The following EPRS1 variants were observed in gnomAD, a reference collection of about 807,000 sequenced individuals.
EPRS1 encodes the protein bifunctional glutamate/proline--tRNA ligase.
EPRS1 carries 107 observed loss-of-function variants against 188.3 expected under a neutral mutation model. That is an observed-to-expected ratio of 0.57 (90% confidence interval 0.49 to 0.67). EPRS1 has a LOEUF of 0.67. Ranked by LOEUF, EPRS1 falls within the 30% of genes least tolerant of loss-of-function variation. The pLI, the probability that EPRS1 is intolerant of heterozygous loss-of-function variation, is 0.00. For synonymous variants in EPRS1, 596 were observed against 593.1 expected (o/e 1.00, Z -0.07); for missense variants, 1,577 against 1,802.2 (o/e 0.88, Z 2.26).
At chr1:220,004,595 G>A (rs2647421) in intron 16 of EPRS1, among the ~76,000 whole-genome samples, 131,444 of 152,126 alleles carry the variant, frequency 0.86, 57,212 homozygotes, top group African/African-American at 0.97. Context: ...GGAAGCATAA[G>A]TCAAAGATGA....
At chr1:220,018,787 G>A (rs1312235138) in intron 11 of EPRS1, among the ~76,000 whole-genome samples, 2 of 143,846 alleles carry the variant, frequency 1.4e-5, no homozygotes, top group African/African-American at 5.2e-5. Flanking sequence ...TAGGAGTTTA[G>A]GACATTTTCA....
Position 220,001,088 on chromosome 1 carries a change from G to A in EPRS1, c.2181+50C>T, listed in dbSNP as rs752037538. On this transcript the variant is annotated intron_variant, in intron 17 of 31. Transcript: ENST00000366923. ...TGTAAAGAAATATATTCTAAACCCTGGGATAGAAAGACCATTTATTTTTAT... is the reference window on the plus strand; with the variant it reads ...TGTAAAGAAATATATTCTAAACCCTAGGATAGAAAGACCATTTATTTTTAT... 11 of 989,114 alleles carry A rather than the reference G, an allele frequency of 1.1e-5. No homozygotes were observed. In the African/African-American group the frequency reaches 1.3e-4, roughly 11 times the overall value. The allele number at this position is 989,114 out of a possible 1,614,324, so 61.3% of individuals were successfully genotyped here. A position where few individuals can be genotyped will look rare whatever the true frequency, so the allele number is the denominator to read the frequency against.
intron 30 of EPRS1, among the ~76,000 whole-genome samples, chr1:219,969,940 C>A (rs1660633350): frequency 6.6e-6 from 1 of 152,122 alleles, no homozygotes; most frequent in Non-Finnish European, 1.5e-5. Context: ...CGTGCCCCAG[C>A]CTCCTAGTGT....
chr1:220,024,505 C>T (rs200991540), intron 7 of EPRS1, 49 bp from the exon 8 acceptor site: 84 of 1,385,956 alleles, frequency 6.1e-5, no homozygotes, highest in Admixed American at 2.5e-4. Context: ...TGCATTTTTT[C>T]GTGCATTTTC....
chr1:219,978,569 T>C lies in EPRS1; in HGVS notation c.4060A>G (p.Lys1354Glu). The change falls in exon 28 of 32, where the codon AAA becomes GAA. Residue 1354 changes from lysine (K) to glutamate (E), a missense_variant. Transcript: ENST00000366923. The stretch of plus-strand genomic sequence containing the variant: ...ACCTTGAGCTCCCAGTGATTGAATT[T>C]CCAACCTGGAGAATAATTATCTCGT... ...DLRDNYSPGW[K>E]FNHWELKGVP... 6.3e-7 allele frequency: 1 copy of C among 1,581,768 alleles called. No homozygotes were observed. The highest frequency in any genetic ancestry group is 8.6e-7 in the Non-Finnish European group (1 of 1,160,954).
intron 2 of EPRS1, among the ~76,000 whole-genome samples, chr1:220,039,770 A>G (rs1474265591): frequency 6.6e-6 from 1 of 152,120 alleles, no homozygotes; most frequent in Non-Finnish European, 1.5e-5. Context: ...CGCCTGCCTC[A>G]GCCTCCCAAA....
chr1:220,008,681 T>A (rs925225415), intron 13 of EPRS1, among the ~76,000 whole-genome samples: 2 of 152,206 alleles, frequency 1.3e-5, no homozygotes, highest in Admixed American at 6.5e-5. Flanking sequence ...GAGCAGTACT[T>A]AGTAATTTAA....
At chr1:220,026,245 T>C (rs1169660199) in intron 6 of EPRS1, among the ~76,000 whole-genome samples, 1 of 152,148 alleles carries the variant, frequency 6.6e-6, no homozygotes, top group African/African-American at 2.4e-5. Flanking sequence ...GCACCAACAC[T>C]CAATGAATCA....
Position 219,968,946 on chromosome 1 carries a change from G to C in EPRS1, c.4399C>G (p.Leu1467Val). ...CCCATGGATGGAGCACCAGGTTCAA[G>C]ATCTTGATCCCTGAAATTAATAACA... Reference protein sequence around the residue: ...IKKTTARDQDLEPGAPSMGAK... With the variant: ...IKKTTARDQDVEPGAPSMGAK... Residue 1467 changes from leucine (L) to valine (V), a missense_variant, in exon 32 of 32, where the codon CTT (leucine) becomes GTT (valine). Leu to Val is a conservative substitution (Grantham distance 32, BLOSUM62 1). Transcript: ENST00000366923. 1 of 1,614,052 alleles carries C rather than the reference G, an allele frequency of 6.2e-7. No individual in the cohort carries two copies. Among genetic ancestry groups the C allele is most frequent in the African/African-American group, 1.3e-5 (1 of 75,032 alleles).
At chr1:220,005,404 A>C in intron 15 of EPRS1, 44 bp from the exon 16 acceptor site, 5 of 997,596 alleles carry the variant, frequency 5.0e-6, no homozygotes, top group Non-Finnish European at 7.6e-6. Context: ...TCAAAATCAT[A>C]GTAGTAAAAT....
chr1:220,039,498 A>G (rs1238506198), intron 2 of EPRS1, among the ~76,000 whole-genome samples: 1 of 150,316 alleles, frequency 6.7e-6, no homozygotes. Flanking sequence ...TAAGTAAAAC[A>G]AGCATACAAC....
chr1:220,024,521 T>C, intron 7 of EPRS1, 65 bp from the exon 8 acceptor site: 1 of 1,089,160 alleles, frequency 9.2e-7, no homozygotes, highest in Non-Finnish European at 1.3e-6. Flanking sequence ...TTTTCAACCC[T>C]TGATACTGCA....
At chr1:219,974,676 T>TA (rs914699559) in intron 28 of EPRS1, among the ~76,000 whole-genome samples, 42 of 151,374 alleles carry the variant, frequency 2.8e-4, no homozygotes, top group African/African-American at 8.0e-4. Context: ...AAATGATATT[T>TA]AAAAAAAAAC....
At chr1:220,034,786 C>G (rs895759344) in intron 3 of EPRS1, 128 bp downstream of exon 3, 2 of 672,284 alleles carry the variant, frequency 3.0e-6, no homozygotes, top group African/African-American at 3.7e-5. Context: ...GTACCTTGGT[C>G]TATATAATTA....
At chr1:220,013,126 C>G (rs535131101) in intron 12 of EPRS1, among the ~76,000 whole-genome samples, 9 of 152,282 alleles carry the variant, frequency 5.9e-5, no homozygotes, top group African/African-American at 2.2e-4. Flanking sequence ...CATCTTAAAC[C>G]TGTGACTCTT....
rs759404611 is a variant in EPRS1 at position 219,988,586 on chromosome 1, T to A, written c.2775+4A>T. 6.3e-6 allele frequency: 10 copies of A among 1,594,144 alleles called. No homozygotes were observed. The East Asian group carries it at 1.8e-4, about 29-fold the overall frequency. ...AAAGCATATAAACAAAATAACACAC[T>A]AACCTTAGGGGCTTTTTCAGTTTTA... On this transcript the variant is annotated splice_donor_region_variant and intron_variant, in intron 19 of 31. Coordinates refer to ENST00000366923, the MANE Select transcript of EPRS1 (RefSeq NM_004446.3).
chr1:220,021,955 T>C (rs1415091388), intron 9 of EPRS1, among the ~76,000 whole-genome samples: 1 of 152,206 alleles, frequency 6.6e-6, no homozygotes, highest in Non-Finnish European at 1.5e-5. Context: ...TACTCTCCTG[T>C]ATTGTTCATA....
At chr1:219,973,117 G>T in intron 29 of EPRS1, 121 bp downstream of exon 29, 1 of 754,012 alleles carries the variant, frequency 1.3e-6, no homozygotes. Flanking sequence ...TAAGTAGCAT[G>T]GGGGTTCAGA....
intron 7 of EPRS1, 95 bp downstream of exon 7, chr1:220,025,037 G>A (rs1318025227): frequency 2.4e-6 from 3 of 1,253,806 alleles, no homozygotes; most frequent in East Asian, 2.3e-5. Flanking sequence ...GCAGCTATGA[G>A]AACAAAATTT....
Sources: allele counts gnomAD v4.1 joint callset (sites outside exome capture counted in the v4.1 genomes callset), GRCh38; gene constraint gnomAD v4.1.1; transcripts MANE v1.5; gene names NCBI Gene and HGNC (gene_info 2026-07-23, HGNC 2026-07-21).